Variants in BRDT observed in about 807,000 individuals in gnomAD.
BRDT encodes the protein bromodomain testis associated, also known as bromodomain testis-specific protein.
In BRDT, 77 loss-of-function variants were observed where a neutral mutation model predicts 113.9. The ratio of observed to expected loss-of-function variants is 0.68; its 90% CI spans 0.56 to 0.82. BRDT has a LOEUF of 0.82. Among genes scored for constraint, BRDT ranks in the 40% least tolerant of loss-of-function variants. The pLI, the probability that BRDT is intolerant of heterozygous loss-of-function variation, is 0.00. For synonymous variants in BRDT, 358 were observed against 366.5 expected (o/e 0.98, Z 0.26); for missense variants, 1,027 against 1,105.4 (o/e 0.93, Z 1.01).
In BRDT at chr1:92,005,246, A is replaced by G. The variant is rs1687197681; in HGVS notation, c.2722A>G (p.Lys908Glu). 1 of 1,588,806 alleles carries G rather than the reference A, an allele frequency of 6.3e-7. No homozygotes were observed. Among genetic ancestry groups the G allele is most frequent in the African/African-American group, 1.4e-5 (1 of 73,300 alleles). ...AQDKSKLWLL[K>E]DRDLARQKEQ... The stretch of plus-strand genomic sequence containing the variant: ...AGATAAATCCAAACTCTGGCTTCTC[A>G]AAGACCGTGATTTAGCAAGGCAGAA... The change falls in exon 18 of 19, where the codon AAA (lysine) becomes GAA (glutamate). Residue 908 changes from lysine (K) to glutamate (E), a missense_variant. Lys to Glu is a moderately conservative substitution (Grantham distance 56). Coordinates refer to ENST00000399546, the MANE Select transcript of BRDT (RefSeq NM_207189.4).
chr1:91,962,662 C>G, intron 1 of BRDT, 56 bp from the exon 2 acceptor site: 1 of 1,076,624 alleles, frequency 9.3e-7, no homozygotes, highest in Admixed American at 2.7e-5. Context: ...CACTTTTCAG[C>G]TCCTGTGGAA....
intron 14 of BRDT, among the ~76,000 whole-genome samples, chr1:91,992,837 T>C (rs1469738016): frequency 6.6e-6 from 1 of 152,138 alleles, no homozygotes; most frequent in African/African-American, 2.4e-5. Flanking sequence ...TGCCTGGCCT[T>C]CCCATTCCTT....
At position 91,964,650 on chromosome 1, in the gene BRDT, C is replaced by T. The variant is rs756729461; in HGVS notation, c.216C>T (p.Asn72=). 6.9e-7 allele frequency: 1 copy of T among 1,446,970 alleles called. No homozygotes were observed. Among genetic ancestry groups the T allele is most frequent in the Admixed American group, 1.9e-5 (1 of 52,976 alleles). 89.6% of individuals were successfully genotyped at this position (1,446,970 alleles called of 1,614,324 possible). The change falls in exon 3 of 19, where the codon AAC becomes AAT. Residue 72 remains asparagine (N), a synonymous_variant. Coordinates refer to ENST00000399546, the MANE Select transcript of BRDT (RefSeq NM_207189.4). The part of the protein sequence containing the change: ...QLPDYYTIIK[N]PMDLNTIKKR... ...AGGATTATTATACCATTATAAAAAA[C>T]CCAATGGATTTAAATACAATTAAGA... is the stretch of plus-strand genomic sequence containing the variant.
chr1:91,985,839 C>T (rs1685183876), intron 12 of BRDT, among the ~76,000 whole-genome samples: 1 of 151,010 alleles, frequency 6.6e-6, no homozygotes, highest in Non-Finnish European at 1.5e-5. Flanking sequence ...GGGGTTTCAC[C>T]GTGTTAGCCA....
chr1:91,983,808 A>G (rs1684943810), intron 12 of BRDT, among the ~76,000 whole-genome samples: 1 of 151,940 alleles, frequency 6.6e-6, no homozygotes. Flanking sequence ...CAGTCTCCCA[A>G]GTAGCTGGGA....
chr1:91,986,065 A>G (rs1685210384), intron 12 of BRDT, among the ~76,000 whole-genome samples: 1 of 152,246 alleles, frequency 6.6e-6, no homozygotes, highest in Non-Finnish European at 1.5e-5. Context: ...AACATTTATT[A>G]AACTTCGGTA....
In BRDT at chr1:91,976,306, A is replaced by G. The variant is rs763703491; in HGVS notation, c.486A>G (p.Lys162=). ...QNIAVSSAKE[K]SSPSATEKVF... ...TAGCTGTTTCTTCTGCTAAAGAAAAATCATCACCCAGCGCAACAGAAAAAG... is the reference window on the plus strand; with the variant it reads ...TAGCTGTTTCTTCTGCTAAAGAAAAGTCATCACCCAGCGCAACAGAAAAAG... Residue 162 remains lysine, a synonymous_variant, in exon 5 of 19, where the codon AAA becomes AAG. Coordinates refer to ENST00000399546, the MANE Select transcript of BRDT (RefSeq NM_207189.4). 2.5e-6 allele frequency: 4 copies of G among 1,611,020 alleles called. No individual in the cohort carries two copies. The highest frequency in any genetic ancestry group is 3.4e-5 in the Admixed American group (2 of 59,288).
intron 8 of BRDT, among the ~76,000 whole-genome samples, 199 bp downstream of exon 8, chr1:91,979,956 T>G (rs1052551078): frequency 5.9e-5 from 9 of 152,224 alleles, no homozygotes; most frequent in Non-Finnish European, 1.3e-4. Flanking sequence ...TTTTAAAAAA[T>G]TATGTTATCT....
chr1:91,968,307 CT>C (rs1413609991), intron 4 of BRDT, 47 bp downstream of exon 4: 1 of 1,592,250 alleles, frequency 6.3e-7, no homozygotes. Flanking sequence ...TTTTTTTCCC[CT>C]ATCTATCTCA....
chr1:91,978,322 G>T, intron 7 of BRDT, 26 bp downstream of exon 7: 1 of 1,610,842 alleles, frequency 6.2e-7, no homozygotes, highest in Non-Finnish European at 8.5e-7. Flanking sequence ...TGCTCTGAAG[G>T]TGTTTTTCCT....
intron 18 of BRDT, among the ~76,000 whole-genome samples, chr1:92,013,021 G>C (rs34559022): frequency 6.6e-6 from 1 of 151,440 alleles, no homozygotes; most frequent in Non-Finnish European, 1.5e-5. Context: ...GGAGTTCGAC[G>C]CCAGCCTGGC....
At chr1:92,004,223 CTAT>C (rs1305921847) in intron 16 of BRDT, among the ~76,000 whole-genome samples, 188 bp from the exon 17 acceptor site, 1 of 151,890 alleles carries the variant, frequency 6.6e-6, no homozygotes, top group African/African-American at 2.4e-5. Flanking sequence ...TTTAGATGAT[CTAT>C]TATGTTTTTG....
chr1:91,967,150 A>G (rs569191537), intron 3 of BRDT, among the ~76,000 whole-genome samples: 2 of 152,338 alleles, frequency 1.3e-5, no homozygotes, highest in African/African-American at 4.8e-5. Context: ...TAATTAGTTA[A>G]TTAAACAGAA....
intron 15 of BRDT, among the ~76,000 whole-genome samples, chr1:91,998,214 G>T (rs1205015686): frequency 2.6e-5 from 4 of 152,048 alleles, no homozygotes; most frequent in Non-Finnish European, 5.9e-5. Context: ...CAGGGACATG[G>T]ATGAAGCTGG....
At position 91,964,775 on chromosome 1, in the gene BRDT, CTTATG is replaced by C. The variant is rs1557811460; in HGVS notation, c.330+16_330+20del. 3 of 1,419,490 alleles carry C rather than the reference CTTATG, an allele frequency of 2.1e-6. No homozygotes were observed. Among genetic ancestry groups the C allele is most frequent in the Non-Finnish European group, 2.8e-6 (3 of 1,057,178 alleles). The allele number at this position is 1,419,490 out of a possible 1,614,324, so 87.9% of individuals were successfully genotyped here. A position where few individuals can be genotyped will look rare whatever the true frequency, so the allele number is the denominator to read the frequency against. Reference sequence around the variant, plus strand: ...TATTTATATAACAAGGTATGTAAGCCTTATGTTATACTTGCTAATTCTTTGCCATT... The same window carrying C: ...TATTTATATAACAAGGTATGTAAGCCTTATACTTGCTAATTCTTTGCCATT... On this transcript the variant is annotated intron_variant, in intron 3 of 18. Coordinates refer to ENST00000399546, the MANE Select transcript of BRDT (RefSeq NM_207189.4).
chr1:91,992,412 C>CAA (rs55996004), intron 14 of BRDT, 98 bp downstream of exon 14: 103 of 180,162 alleles, frequency 5.7e-4, no homozygotes, highest in South Asian at 1.8e-3. Context: ...TGAAGAGAGG[C>CAA]AAAAAAAAAA....
At chr1:92,009,416 C>T (rs919498374) in intron 18 of BRDT, among the ~76,000 whole-genome samples, 1 of 152,046 alleles carries the variant, frequency 6.6e-6, no homozygotes, top group Non-Finnish European at 1.5e-5. Context: ...TTCTTTTTAG[C>T]ACATTATATG....
chr1:91,951,073 T>C (rs1196448779), intron 1 of BRDT, among the ~76,000 whole-genome samples: 16 of 151,780 alleles, frequency 1.1e-4, no homozygotes, highest in Non-Finnish European at 2.4e-4. Flanking sequence ...GGTTGGAGTA[T>C]TGACAGGCAC....
chr1:91,976,271 C>A lies in BRDT; in HGVS notation c.451C>A (p.Gln151Lys). 1 of 1,595,670 alleles carries A rather than the reference C, an allele frequency of 6.3e-7. No individual in the cohort carries two copies. Among genetic ancestry groups the A allele is most frequent in the Non-Finnish European group, 8.5e-7 (1 of 1,173,856 alleles). ...GVKERIKKGT[Q>K]QNIAVSSAKE... is the part of the protein sequence containing the mutation. ...TCTGGCTCATACTTTTCCAGGCACT[C>A]AACAGAATATAGCTGTTTCTTCTGC... Residue 151 changes from glutamine (Q) to lysine (K), a missense_variant, in exon 5 of 19, where the codon CAA (glutamine) becomes AAA (lysine). Coordinates refer to ENST00000399546, the MANE Select transcript of BRDT (RefSeq NM_207189.4).
Sources: gnomAD v4.1 joint callset for allele counts (sites outside exome capture counted in the v4.1 genomes callset) on GRCh38, gnomAD v4.1.1 for gene constraint, MANE v1.5 for transcripts, NCBI Gene and HGNC (gene_info 2026-07-23, HGNC 2026-07-21) for gene names.